CEPT1: variants seen among roughly 807,000 people sequenced by gnomAD.
The protein encoded by CEPT1 is choline/ethanolaminephosphotransferase 1.
In CEPT1, 7 loss-of-function variants were observed where a neutral mutation model predicts 42.6. The ratio of observed to expected loss-of-function variants is 0.16; its 90% CI spans 0.09 to 0.31. The LOEUF is 0.31. Ranked by LOEUF, CEPT1 falls within the 10% of genes least tolerant of loss-of-function variation. The pLI, the probability that CEPT1 is intolerant of heterozygous loss-of-function variation, is 1.00. For synonymous variants in CEPT1, 171 were observed against 171.9 expected, an observed-to-expected ratio of 0.99 and a Z score of 0.04; for missense variants, 306 against 502.1, an observed-to-expected ratio of 0.61 and a Z score of 3.73.
Position 111,174,956 on chromosome 1 carries a change from A to G in CEPT1, c.707A>G (p.Gln236Arg). ...GTGATTGGAGGACCACCTTTTTGGCAATCTATGGTAACTTTGTTCACATTG... is the reference window on the plus strand; with the variant it reads ...GTGATTGGAGGACCACCTTTTTGGCGATCTATGGTAACTTTGTTCACATTG... Reference protein sequence around the residue: ...LAVIGGPPFWQSMIPVLNIQM... With the variant: ...LAVIGGPPFWRSMIPVLNIQM... The change falls in exon 5 of 9, where the codon CAA becomes CGA. Residue 236 changes from glutamine (Q) to arginine (R), a missense_variant. Transcript: ENST00000357172. 1 of 1,599,302 alleles carries G rather than the reference A, an allele frequency of 6.3e-7. No homozygotes were observed. The highest frequency in any genetic ancestry group is 8.6e-7 in the Non-Finnish European group (1 of 1,166,756).
chr1:111,182,269 T>TC lies in CEPT1; in HGVS notation c.799dup (p.Arg267ProfsTer47). 1 of 1,613,276 alleles carries TC rather than the reference T, an allele frequency of 6.2e-7. No homozygotes were observed. The highest frequency in any genetic ancestry group is 8.5e-7 in the Non-Finnish European group (1 of 1,179,474). On this transcript the variant is annotated frameshift_variant, in exon 6 of 9. Transcript: ENST00000357172. LOFTEE classifies it high-confidence loss of function. ...ACCATATTTTCCTGTACAAATTACT[T>TC]CCGTGTAATCTTCACAGGTGGTGTT...
At chr1:111,160,308 C>G (rs1163324596) in intron 3 of CEPT1, 2 of 152,174 alleles carry the variant, frequency 1.3e-5, no homozygotes, top group African/African-American at 2.4e-5. Flanking sequence ...CTGACAGGAA[C>G]TCATCCCTCC....
intron 4 of CEPT1, among the ~76,000 whole-genome samples, chr1:111,169,039 C>T (rs1656284563): frequency 6.6e-6 from 1 of 152,094 alleles, no homozygotes; most frequent in Non-Finnish European, 1.5e-5. Context: ...ATACCTCACA[C>T]AATGTAAATG....
intron 4 of CEPT1, among the ~76,000 whole-genome samples, chr1:111,164,375 T>C (rs1656024035): frequency 6.6e-6 from 1 of 152,066 alleles, no homozygotes; most frequent in South Asian, 2.1e-4. Flanking sequence ...CAAGTAGAGA[T>C]CTGACAGAGA....
intron 1 of CEPT1, among the ~76,000 whole-genome samples, chr1:111,141,814 C>CT (rs1298757149): frequency 6.6e-6 from 1 of 151,856 alleles, no homozygotes; most frequent in Non-Finnish European, 1.5e-5. Context: ...TTTTCTTTTT[C>CT]TTTTTTTTCT....
intron 3 of CEPT1, chr1:111,160,893 G>T: frequency 2.2e-6 from 1 of 460,814 alleles, no homozygotes; most frequent in South Asian, 2.3e-5. Context: ...GAAAATACTC[G>T]AAGAAATGTT....
intron 4 of CEPT1, 152 bp from the exon 5 acceptor site, chr1:111,174,727 C>T (rs1656590719): frequency 3.9e-6 from 2 of 507,536 alleles, no homozygotes; most frequent in African/African-American, 1.9e-5. Flanking sequence ...TTGCTCATAA[C>T]AAATTTTTGA....
intron 4 of CEPT1, among the ~76,000 whole-genome samples, chr1:111,171,384 C>G (rs1656405725): frequency 6.6e-6 from 1 of 152,210 alleles, no homozygotes; most frequent in Non-Finnish European, 1.5e-5. Flanking sequence ...AAGAGATGCT[C>G]TGTTCCCTTG....
chr1:111,158,837 G>C (rs193255118), intron 2 of CEPT1, among the ~76,000 whole-genome samples: 7 of 141,950 alleles, frequency 4.9e-5, no homozygotes, highest in Admixed American at 3.6e-4. Flanking sequence ...AATCTCCCTT[G>C]TAAGTTGTTA....
intron 3 of CEPT1, 139 bp from the exon 4 acceptor site, chr1:111,161,016 C>T: frequency 1.2e-6 from 1 of 829,302 alleles, no homozygotes; most frequent in Non-Finnish European, 2.0e-6. Flanking sequence ...CAGATTATAT[C>T]CTACTTTTCT....
chr1:111,142,223 C>T (rs746809014), intron 1 of CEPT1, among the ~76,000 whole-genome samples: 18 of 152,056 alleles, frequency 1.2e-4, no homozygotes, highest in Non-Finnish European at 2.5e-4. Context: ...ACTTTTTCTA[C>T]CTTTGTTGGA....
chr1:111,162,383 A>C lies in CEPT1; in HGVS notation c.629+1087A>C, dbSNP rs573629054. Among the ~76,000 whole-genome samples the C allele has an allele frequency of 1.2e-3, 186 of 152,336 alleles. 3 individuals are homozygous for C. Among genetic ancestry groups the C allele is most frequent in the Non-Finnish European group, 1.4e-3 (95 of 68,032 alleles). On this transcript the variant is annotated intron_variant, in intron 4 of 8. Transcript: ENST00000357172. Reference sequence around the variant, plus strand: ...ATTGGAGAGAGACTTTTGAGGTAGAAACTATAGGACACAATGTGTGTTTGG... The same window carrying C: ...ATTGGAGAGAGACTTTTGAGGTAGACACTATAGGACACAATGTGTGTTTGG...
chr1:111,149,740 T>G (rs1473188737), intron 2 of CEPT1, among the ~76,000 whole-genome samples: 1 of 152,182 alleles, frequency 6.6e-6, no homozygotes, highest in East Asian at 1.9e-4. Flanking sequence ...ATCACACAAA[T>G]CATTAGAGAT....
intron 2 of CEPT1, among the ~76,000 whole-genome samples, chr1:111,152,259 AG>A (rs1335944564): frequency 2.0e-5 from 3 of 152,234 alleles, no homozygotes; most frequent in African/African-American, 7.2e-5. Flanking sequence ...AAAAGTGAAA[AG>A]AAAATTAAAA....
chr1:111,172,178 T>C (rs1340947487), intron 4 of CEPT1, among the ~76,000 whole-genome samples: 2 of 152,230 alleles, frequency 1.3e-5, no homozygotes, highest in Non-Finnish European at 2.9e-5. Flanking sequence ...GAAATTTGTT[T>C]TCCCATATGT....
chr1:111,177,822 G>A (rs1385211095), intron 5 of CEPT1, among the ~76,000 whole-genome samples: 1 of 148,946 alleles, frequency 6.7e-6, no homozygotes, highest in Non-Finnish European at 1.5e-5. Flanking sequence ...TTCATGAGGT[G>A]AGGTTGCAAC....
At chr1:111,175,323 CT>C (rs1295745573) in intron 5 of CEPT1, among the ~76,000 whole-genome samples, 15 of 152,156 alleles carry the variant, frequency 9.9e-5, no homozygotes, top group African/African-American at 3.6e-4. Context: ...CTGTCATATA[CT>C]TAAAGCTGAA....
intron 3 of CEPT1, 76 bp from the exon 4 acceptor site, chr1:111,161,079 C>T: frequency 6.8e-7 from 1 of 1,472,402 alleles, no homozygotes; most frequent in Non-Finnish European, 9.5e-7. Flanking sequence ...ATCTTTTTGT[C>T]TCATCTAAAA....
chr1:111,167,036 G>C, intron 4 of CEPT1: 2 of 700,554 alleles, frequency 2.9e-6, no homozygotes, highest in Non-Finnish European at 3.5e-6. Flanking sequence ...TTTGTTACCT[G>C]TGTTAGTAGG....
Sources: gnomAD v4.1 joint callset for allele counts (sites outside exome capture counted in the v4.1 genomes callset) on GRCh38, gnomAD v4.1.1 for gene constraint, MANE v1.5 for transcripts, NCBI Gene and HGNC (gene_info 2026-07-23, HGNC 2026-07-21) for gene names.